LNX1: variants seen among roughly 807,000 people sequenced by gnomAD.
LNX1 encodes the protein E3 ubiquitin-protein ligase LNX.
Under a neutral mutation model 68.4 loss-of-function variants are expected in LNX1, and 54 were observed. The observed-to-expected ratio is 0.79, with a 90% CI of 0.63 to 0.99. LNX1 has a LOEUF of 0.99. Among genes scored for constraint, LNX1 ranks in the 50% least tolerant of loss-of-function variants. The pLI, the probability that LNX1 is intolerant of heterozygous loss-of-function variation, is 0.00. For synonymous variants in LNX1, 336 were observed against 350.0 expected (o/e 0.96, Z 0.45); for missense variants, 906 against 926.4 (o/e 0.98, Z 0.29).
At chr4:53,619,359 T>C (rs1733786411), upstream of LNX1, among the ~76,000 whole-genome samples, 3 of 152,192 alleles carry the variant, frequency 2.0e-5, no homozygotes, top group South Asian at 6.2e-4. Flanking sequence ...CCTCATTCCC[T>C]TCTTTTCCCA....
chr4:53,468,618 T>G (rs1382401023), intron 9 of LNX1, among the ~76,000 whole-genome samples: 1 of 152,024 alleles, frequency 6.6e-6, no homozygotes, highest in Non-Finnish European at 1.5e-5. Context: ...GAGACACACA[T>G]AGGCTCAAAT....
chr4:53,622,949 A>G (rs1304104694), intron 1 of LNX1, among the ~76,000 whole-genome samples: 3 of 152,228 alleles, frequency 2.0e-5, no homozygotes, highest in Non-Finnish European at 2.9e-5. Flanking sequence ...TTAATGAGTG[A>G]ATACAGTTGC....
chr4:53,461,314 G>A (rs1278566921), intron 10 of LNX1, 121 bp downstream of exon 10: 24 of 818,450 alleles, frequency 2.9e-5, no homozygotes, highest in African/African-American at 1.0e-4. Flanking sequence ...TGAATGCTAC[G>A]TACATACTTT....
chr4:53,602,254 G>A (rs1339853336), intron 2 of LNX1, among the ~76,000 whole-genome samples: 1 of 152,116 alleles, frequency 6.6e-6, no homozygotes, highest in Non-Finnish European at 1.5e-5. Flanking sequence ...ATGCCAAGAC[G>A]AAATTAAATA....
At chr4:53,619,221 C>T (rs963648767), upstream of LNX1, among the ~76,000 whole-genome samples, 25 of 152,226 alleles carry the variant, frequency 1.6e-4, no homozygotes, top group Admixed American at 2.6e-4. Flanking sequence ...TGCTTTAAAA[C>T]GTACACTTTA....
intron 2 of LNX1, among the ~76,000 whole-genome samples, chr4:53,566,939 A>C (rs1447515249): frequency 1.3e-5 from 2 of 152,196 alleles, no homozygotes; most frequent in African/African-American, 4.8e-5. Flanking sequence ...CAACAAGAAG[A>C]GCTAACTATC....
intron 4 of LNX1, among the ~76,000 whole-genome samples, chr4:53,501,311 GAC>G (rs1725487462): frequency 1.8e-5 from 1 of 55,730 alleles, no homozygotes; most frequent in African/African-American, 6.2e-5. Context: ...GGGGTGGGGG[GAC>G]AGGATCTCAC....
chr4:53,537,413 G>A (rs950062395), intron 2 of LNX1, among the ~76,000 whole-genome samples: 1 of 152,184 alleles, frequency 6.6e-6, no homozygotes, highest in Non-Finnish European at 1.5e-5. Context: ...CATGGATGGA[G>A]AAGGGAGGAA....
intron 9 of LNX1, among the ~76,000 whole-genome samples, chr4:53,472,740 T>C (rs1723316260): frequency 7.1e-6 from 1 of 140,560 alleles, no homozygotes; most frequent in African/African-American, 2.6e-5. Context: ...TGCAATATAA[T>C]TGATGAACGT....
At chr4:53,523,842 C>T (rs1467341780) in intron 2 of LNX1, among the ~76,000 whole-genome samples, 1 of 152,220 alleles carries the variant, frequency 6.6e-6, no homozygotes, top group East Asian at 1.9e-4. Context: ...AGCCTCCATT[C>T]ACACTGTCCC....
chr4:53,619,823 C>T (rs768959787), upstream of LNX1, among the ~76,000 whole-genome samples: 8 of 152,212 alleles, frequency 5.3e-5, no homozygotes, highest in Non-Finnish European at 7.3e-5. Context: ...GTTTTACACA[C>T]CCAGCAGCAA....
chr4:53,469,699 A>G (rs1311850975), intron 9 of LNX1, among the ~76,000 whole-genome samples: 1 of 152,248 alleles, frequency 6.6e-6, no homozygotes, highest in Non-Finnish European at 1.5e-5. Flanking sequence ...ACCATCAGAG[A>G]ATACTATAAA....
At chr4:53,538,488 G>A (rs1728531369) in intron 2 of LNX1, among the ~76,000 whole-genome samples, 1 of 152,148 alleles carries the variant, frequency 6.6e-6, no homozygotes, top group Admixed American at 6.5e-5. Context: ...TTTTTTGAAT[G>A]CATGAGGGTT....
At chr4:53,465,654 T>C (rs1722623874) in intron 9 of LNX1, among the ~76,000 whole-genome samples, 1 of 152,262 alleles carries the variant, frequency 6.6e-6, no homozygotes, top group South Asian at 2.1e-4. Context: ...TAGTTGTGTT[T>C]ATTGCCAAAG....
At chr4:53,595,882 A>G (rs545687590), upstream of LNX1, among the ~76,000 whole-genome samples, 2 of 152,030 alleles carry the variant, frequency 1.3e-5, no homozygotes, top group South Asian at 4.2e-4. Context: ...TTTTTTTCCC[A>G]TGACATATTT....
intron 6 of LNX1, among the ~76,000 whole-genome samples, chr4:53,493,817 G>A (rs1272937828): frequency 6.6e-6 from 1 of 152,156 alleles, no homozygotes; most frequent in East Asian, 1.9e-4. Flanking sequence ...GCTTCTTAAG[G>A]CCGCTGGATC....
At chr4:53,547,787 GA>G (rs1232323291) in intron 2 of LNX1, among the ~76,000 whole-genome samples, 2 of 152,210 alleles carry the variant, frequency 1.3e-5, no homozygotes, top group Admixed American at 1.3e-4. Flanking sequence ...GAGAGAATAA[GA>G]AGAAGGAGTC....
At chr4:53,622,075 AT>A (rs893533660), upstream of LNX1, among the ~76,000 whole-genome samples, 25 of 152,244 alleles carry the variant, frequency 1.6e-4, no homozygotes, top group African/African-American at 6.0e-4. Flanking sequence ...TTTTCTTGAC[AT>A]TTTTTATAGG....
At chr4:53,528,821 T>C (rs1727813587) in intron 2 of LNX1, among the ~76,000 whole-genome samples, 1 of 152,040 alleles carries the variant, frequency 6.6e-6, no homozygotes, top group South Asian at 2.1e-4. Context: ...AAGCATGTGA[T>C]CAAACCTAGC....
Sources: allele counts gnomAD v4.1 joint callset (sites outside exome capture counted in the v4.1 genomes callset), GRCh38; gene constraint gnomAD v4.1.1; transcripts MANE v1.5; gene names NCBI Gene and HGNC (gene_info 2026-07-23, HGNC 2026-07-21).